Variants in NR3C2 observed in about 807,000 individuals in gnomAD.
NR3C2 encodes the protein mineralocorticoid receptor.
NR3C2 carries 15 observed loss-of-function variants against 86.4 expected under a neutral mutation model. That is an observed-to-expected ratio of 0.17 (90% CI 0.12 to 0.27). The LOEUF (loss-of-function observed/expected upper bound fraction) is 0.27, where lower values mean the gene tolerates loss of function less well. NR3C2 is among the 10% of genes least tolerant of loss of function. The pLI is 1.00. For synonymous variants in NR3C2, 458 were observed against 450.5 expected (o/e 1.02, Z -0.21); for missense variants, 960 against 1,195.6 (o/e 0.80, Z 2.91).
At chr4:148,420,981 T>C (rs1393341294) in intron 2 of NR3C2, among the ~76,000 whole-genome samples, 2 of 152,176 alleles carry the variant, frequency 1.3e-5, no homozygotes, top group African/African-American at 4.8e-5. Flanking sequence ...ATTACCTTTC[T>C]TTATAGATTA....
At chr4:148,227,890 T>G (rs922913380) in intron 3 of NR3C2, among the ~76,000 whole-genome samples, 1 of 152,162 alleles carries the variant, frequency 6.6e-6, no homozygotes, top group African/African-American at 2.4e-5. Context: ...CAAGATCATT[T>G]GTATTTTCTC....
chr4:148,307,491 G>A (rs1742687867), intron 2 of NR3C2, among the ~76,000 whole-genome samples: 1 of 152,222 alleles, frequency 6.6e-6, no homozygotes, highest in South Asian at 2.1e-4. Context: ...GAGAATGTGA[G>A]ATGTATGCAT....
chr4:148,363,443 G>C (rs1415042518), intron 2 of NR3C2, among the ~76,000 whole-genome samples: 1 of 148,716 alleles, frequency 6.7e-6, no homozygotes, highest in Non-Finnish European at 1.5e-5. Flanking sequence ...TCGGGGACAG[G>C]ATTTTTTACA....
intron 2 of NR3C2, among the ~76,000 whole-genome samples, chr4:148,415,184 A>G (rs1748931720): frequency 6.6e-6 from 1 of 152,226 alleles, no homozygotes; most frequent in Non-Finnish European, 1.5e-5. Context: ...AAAAGAAAAG[A>G]AAAAGCAAAG....
At chr4:148,117,254 C>T (rs1732312104) in intron 7 of NR3C2, among the ~76,000 whole-genome samples, 1 of 152,210 alleles carries the variant, frequency 6.6e-6, no homozygotes, top group Non-Finnish European at 1.5e-5. Flanking sequence ...AGGCCAAAAG[C>T]AACCCCAAAA....
intron 2 of NR3C2, among the ~76,000 whole-genome samples, chr4:148,379,992 GA>G (rs1178680652): frequency 1.3e-5 from 2 of 152,150 alleles, no homozygotes; most frequent in Non-Finnish European, 2.9e-5. Flanking sequence ...AGGTATAAGG[GA>G]AAATTAGGTA....
intron 2 of NR3C2, among the ~76,000 whole-genome samples, chr4:148,429,920 C>G (rs1252648811): frequency 6.6e-6 from 1 of 152,018 alleles, no homozygotes; most frequent in Non-Finnish European, 1.5e-5. Context: ...AGCAAATGAA[C>G]AGTACAAAAC....
At chr4:148,156,956 C>G (rs1476736889) in intron 4 of NR3C2, among the ~76,000 whole-genome samples, 1 of 151,758 alleles carries the variant, frequency 6.6e-6, no homozygotes, top group African/African-American at 2.4e-5. Flanking sequence ...ACATATACAC[C>G]ATGGAATACT....
At chr4:148,197,929 C>T (rs1231481776) in intron 3 of NR3C2, among the ~76,000 whole-genome samples, 1 of 152,078 alleles carries the variant, frequency 6.6e-6, no homozygotes, top group Non-Finnish European at 1.5e-5. Context: ...CTTTAGTCAT[C>T]CATCCGTGTA....
In NR3C2 at chr4:148,408,619, A is replaced by G. The variant is rs572188673; in HGVS notation, c.1757+26485T>C. ...TCTTTTACAAAAAATGCTGAACCAC[A>G]TTTCTTGATGATCAACAGGTATCTT... On this transcript the variant is annotated intron_variant, in intron 2 of 8. Transcript: ENST00000358102. Among the ~76,000 whole-genome samples, 3 of 152,308 alleles carry G rather than the reference A, an allele frequency of 2.0e-5. No individual in the cohort carries two copies. In the South Asian group the frequency reaches 6.2e-4, roughly 32 times the overall value.
chr4:148,328,661 A>G (rs1030898395), intron 2 of NR3C2, among the ~76,000 whole-genome samples: 3 of 152,232 alleles, frequency 2.0e-5, no homozygotes, highest in African/African-American at 4.8e-5. Flanking sequence ...TTACATTGGT[A>G]TCCTTTGGTC....
intron 4 of NR3C2, among the ~76,000 whole-genome samples, chr4:148,176,271 G>A (rs1418557612): frequency 1.3e-5 from 2 of 152,204 alleles, no homozygotes; most frequent in African/African-American, 4.8e-5. Flanking sequence ...CATATTCTGA[G>A]TTCAGGGAGC....
At chr4:148,429,879 T>C (rs1446869112) in intron 2 of NR3C2, among the ~76,000 whole-genome samples, 3 of 152,228 alleles carry the variant, frequency 2.0e-5, no homozygotes, top group Admixed American at 2.0e-4. Context: ...CAAAATGATA[T>C]ATTATTTAGC....
At chr4:148,237,636 TGTAGAAGTTGGAGCACTGCCC>T (rs1738810862) in intron 3 of NR3C2, among the ~76,000 whole-genome samples, 4 of 150,608 alleles carry the variant, frequency 2.7e-5, no homozygotes, top group South Asian at 2.1e-4. Flanking sequence ...CTTCAATAAT[TGTAGAAGTTGGAGCACTGCCC>T]AAAAACAAAA....
rs76376328 is a variant in NR3C2 at position 148,416,340 on chromosome 4, A to C, written c.1757+18764T>G. On this transcript the variant is annotated intron_variant, in intron 2 of 8. Coordinates refer to ENST00000358102, the MANE Select transcript of NR3C2 (RefSeq NM_000901.5). ...TAGCAAATACATTTATGTAGGACTTACTATGGGACAAGCACTTTTCTAAGC... is the reference window on the plus strand; with the variant it reads ...TAGCAAATACATTTATGTAGGACTTCCTATGGGACAAGCACTTTTCTAAGC... Among the ~76,000 whole-genome samples the C allele has an allele frequency of 2.2e-4, 34 of 152,344 alleles. No homozygotes were observed. The East Asian group carries it at 6.6e-3, about 29-fold the overall frequency.
rs188357720 is a variant in NR3C2, at chr4:148,409,090, G to C, written c.1757+26014C>G. Among the ~76,000 whole-genome samples the C allele has an allele frequency of 2.1e-3, 315 of 152,208 alleles. 1 individual carries two copies. Among genetic ancestry groups the C allele is most frequent in the Non-Finnish European group, 3.9e-3 (266 of 67,978 alleles). ...ATTATTCCCCTAGGATCGTTTCCTA[G>C]AAGTGGAGATATTGGGTCAAAAGGT... On this transcript the variant is annotated intron_variant, in intron 2 of 8. Transcript: ENST00000358102.
chr4:148,361,828 T>TTTGCTGTTGTTG (rs1745852337), intron 2 of NR3C2, among the ~76,000 whole-genome samples: 1 of 151,880 alleles, frequency 6.6e-6, no homozygotes, highest in African/African-American at 2.4e-5. Context: ...ACCCTAAAGT[T>TTTGCTGTTGTTG]TTGTTGTTAT....
At chr4:148,118,064 G>A (rs999263376) in intron 7 of NR3C2, among the ~76,000 whole-genome samples, 6 of 152,012 alleles carry the variant, frequency 3.9e-5, no homozygotes, top group Non-Finnish European at 7.4e-5. Flanking sequence ...TCTGGGTCTC[G>A]CCCTCATCTG....
chr4:148,145,764 G>A (rs1044174600), intron 6 of NR3C2, among the ~76,000 whole-genome samples: 3 of 151,980 alleles, frequency 2.0e-5, no homozygotes, highest in African/African-American at 4.8e-5. Context: ...AGAGTCCAAC[G>A]GAAAAATAAG....
Sources: gnomAD v4.1 joint callset for allele counts (sites outside exome capture counted in the v4.1 genomes callset) on GRCh38, gnomAD v4.1.1 for gene constraint, MANE v1.5 for transcripts, NCBI Gene and HGNC (gene_info 2026-07-23, HGNC 2026-07-21) for gene names.